Variants in DCLK3 observed in about 807,000 individuals in gnomAD.
DCLK3 encodes the protein doublecortin like kinase 3.
A neutral mutation model predicts 46.4 loss-of-function variants in DCLK3; 30 were observed. The ratio of observed to expected loss-of-function variants is 0.65; its 90% CI spans 0.48 to 0.88. The LOEUF (loss-of-function observed/expected upper bound fraction) is 0.88, where lower values mean the gene tolerates loss of function less well. Ranked by LOEUF, DCLK3 falls within the 40% of genes least tolerant of loss-of-function variation. The pLI is 0.00. For synonymous variants in DCLK3, 401 were observed against 339.2 expected, an observed-to-expected ratio of 1.18 and a Z score of -2.00; for missense variants, 846 against 907.1, an observed-to-expected ratio of 0.93 and a Z score of 0.87.
At chr3:36,719,202 C>T (rs917443807) in intron 3 of DCLK3, among the ~76,000 whole-genome samples, 5 of 152,106 alleles carry the variant, frequency 3.3e-5, no homozygotes, top group African/African-American at 4.8e-5. Context: ...AAGCAATATA[C>T]AGTAAAGGTT....
chr3:36,738,606 C>T lies in DCLK3; in HGVS notation c.561G>A (p.Leu187=), dbSNP rs770277717. 1.3e-5 allele frequency: 18 copies of T among 1,383,634 alleles called. No homozygotes were observed. Among genetic ancestry groups the T allele is most frequent in the Admixed American group, 1.2e-4 (4 of 34,352 alleles). 85.7% of individuals were successfully genotyped at this position (1,383,634 alleles called of 1,614,324 possible). The change falls in exon 2 of 5, where the codon CTG becomes CTA. Residue 187 remains leucine (L), a synonymous_variant. Coordinates refer to ENST00000636136, the MANE Select transcript of DCLK3 (RefSeq NM_001394672.2). ...LKSIQVAVEE[L]YPNKARALTL... ...TCAGGGCCCGGGCTTTGTTGGGGTA[C>T]AGTTCTTCTACAGCCACCTGAATGC...
chr3:36,737,072 C>A lies in DCLK3; in HGVS notation c.1959+136G>T. On this transcript the variant is annotated intron_variant, in intron 2 of 4. Coordinates refer to ENST00000636136, the MANE Select transcript of DCLK3 (RefSeq NM_001394672.2). The surrounding 1 kb of genome is among the most constrained non-coding windows in gnomAD (Gnocchi z 4.4). ...TGACCTATAACCATAGTTTTAAATA[C>A]TGGAACAAGTATGTTATAATAACAT... is the stretch of plus-strand genomic sequence containing the variant. 7.9e-7 allele frequency: 1 copy of A among 1,263,138 alleles called. No individual in the cohort carries two copies. Among genetic ancestry groups the A allele is most frequent in the Non-Finnish European group, 1.1e-6 (1 of 934,076 alleles). 78.2% of individuals were successfully genotyped at this position (1,263,138 alleles called of 1,614,324 possible).
At chr3:36,756,844 G>A (rs1701489676) in intron 1 of DCLK3, among the ~76,000 whole-genome samples, 1 of 151,812 alleles carries the variant, frequency 6.6e-6, no homozygotes, top group Non-Finnish European at 1.5e-5. Context: ...TGTGGTGTCT[G>A]GGGGTGACAG....
intron 1 of DCLK3, among the ~76,000 whole-genome samples, chr3:36,745,296 T>C (rs1481635987): frequency 6.6e-6 from 1 of 152,234 alleles, no homozygotes; most frequent in Admixed American, 6.5e-5. Flanking sequence ...AAGAAACCTA[T>C]GTCTGTGGTC....
At chr3:36,758,447 G>A (rs1701508535) in intron 1 of DCLK3, among the ~76,000 whole-genome samples, 1 of 152,112 alleles carries the variant, frequency 6.6e-6, no homozygotes, top group Admixed American at 6.6e-5. Context: ...AAGTCACGAG[G>A]GCTCTACCTT....
At chr3:36,749,251 C>CT (rs781532891) in intron 1 of DCLK3, among the ~76,000 whole-genome samples, 1 of 152,310 alleles carries the variant, frequency 6.6e-6, no homozygotes, top group East Asian at 1.9e-4. Flanking sequence ...CGGATGTGCT[C>CT]ATTTGGAAGG....
At chr3:36,720,554 G>A (rs533176400) in intron 3 of DCLK3, among the ~76,000 whole-genome samples, 1 of 143,484 alleles carries the variant, frequency 7.0e-6, no homozygotes, top group East Asian at 2.0e-4. Context: ...GCCCAGGCTG[G>A]AGTGCAATGG....
chr3:36,734,376 G>A (rs1341300221), intron 2 of DCLK3, among the ~76,000 whole-genome samples: 1 of 152,146 alleles, frequency 6.6e-6, no homozygotes, highest in Non-Finnish European at 1.5e-5. Context: ...TGCCAGACCT[G>A]TCCACTTTGA....
At chr3:36,726,690 C>T (rs566006967) in intron 2 of DCLK3, among the ~76,000 whole-genome samples, 1 of 152,256 alleles carries the variant, frequency 6.6e-6, no homozygotes, top group South Asian at 2.1e-4. Context: ...AATTGCTGAG[C>T]CCCAGTCACC....
intron 1 of DCLK3, among the ~76,000 whole-genome samples, chr3:36,760,267 G>C (rs1232219525): frequency 1.3e-5 from 2 of 152,224 alleles, no homozygotes. Flanking sequence ...CCAAGAGGGA[G>C]TAGCCTAGGG....
In DCLK3 at chr3:36,738,492, C is replaced by G; in HGVS notation, c.675G>C (p.Glu225Asp). The G allele has an allele frequency of 6.7e-7, 1 of 1,494,954 alleles. No homozygotes were observed. Among genetic ancestry groups the G allele is most frequent in the Non-Finnish European group, 8.9e-7 (1 of 1,123,280 alleles). The allele number at this position is 1,494,954 out of a possible 1,614,324, so 92.6% of individuals were successfully genotyped here. The change falls in exon 2 of 5, where the codon GAG becomes GAC. Residue 225 changes from glutamate (E) to aspartate (D), a missense_variant. Glu to Asp is a conservative substitution (Grantham distance 45, BLOSUM62 2). Coordinates refer to ENST00000636136, the MANE Select transcript of DCLK3 (RefSeq NM_001394672.2). ...KALKGDHRCG[E>D]TETPKSCSEV... ...CGCTGCAGCTCTTGGGGGTCTCGGT[C>G]TCCCCACAGCGGTGGTCTCCTTTCA...
At chr3:36,735,498 G>C (rs1249754816) in intron 2 of DCLK3, among the ~76,000 whole-genome samples, 1 of 152,188 alleles carries the variant, frequency 6.6e-6, no homozygotes, top group Non-Finnish European at 1.5e-5. Flanking sequence ...TGGATAATTA[G>C]CTTGACTCAC....
chr3:36,736,517 G>A (rs1172797706), intron 2 of DCLK3, among the ~76,000 whole-genome samples: 3 of 152,176 alleles, frequency 2.0e-5, no homozygotes, highest in Non-Finnish European at 4.4e-5. Flanking sequence ...GAATGGCATA[G>A]CTGAGATAAG....
intron 1 of DCLK3, among the ~76,000 whole-genome samples, chr3:36,744,197 C>T (rs1217903776): frequency 6.6e-6 from 1 of 152,216 alleles, no homozygotes; most frequent in East Asian, 1.9e-4. Flanking sequence ...ATTTGGAGAA[C>T]AAATTCCCAA....
At chr3:36,730,546 A>G (rs192911436) in intron 2 of DCLK3, among the ~76,000 whole-genome samples, 117 of 152,324 alleles carry the variant, frequency 7.7e-4, no homozygotes, top group Admixed American at 3.2e-3. Context: ...AGGCAGTGAT[A>G]AGCGTTATGA....
intron 2 of DCLK3, among the ~76,000 whole-genome samples, chr3:36,735,413 GT>G (rs2125529038): frequency 6.6e-6 from 1 of 152,328 alleles, no homozygotes; most frequent in South Asian, 2.1e-4. Flanking sequence ...AACTGCTTCT[GT>G]AATTCTATGA....
At position 36,737,241 on chromosome 3, in the gene DCLK3, A is replaced by G; in HGVS notation, c.1926T>C (p.Ile642=). ...TTTCCGGCTTGAGGTCCCGGTGGACAATGCTCTTGTCGTGCATGTGGACGA... is the reference window on the plus strand; with the variant it reads ...TTTCCGGCTTGAGGTCCCGGTGGACGATGCTCTTGTCGTGCATGTGGACGA... ...KALVHMHDKS[I]VHRDLKPENL... The change falls in exon 2 of 5, where the codon ATT becomes ATC. Residue 642 remains isoleucine (I), a synonymous_variant. Transcript: ENST00000636136. The surrounding 1 kb of genome is among the most constrained non-coding windows in gnomAD (Gnocchi z 4.4). The G allele has an allele frequency of 6.2e-7, 1 of 1,614,080 alleles. No homozygotes were observed. Among genetic ancestry groups the G allele is most frequent in the Non-Finnish European group, 8.5e-7 (1 of 1,179,928 alleles).
intron 3 of DCLK3, among the ~76,000 whole-genome samples, chr3:36,719,156 T>C (rs1369942486): frequency 1.3e-5 from 2 of 152,224 alleles, no homozygotes; most frequent in African/African-American, 4.8e-5. Flanking sequence ...TGTCTGATTA[T>C]ATTCCTAAAA....
At chr3:36,746,736 T>C (rs1701396762) in intron 1 of DCLK3, among the ~76,000 whole-genome samples, 1 of 152,254 alleles carries the variant, frequency 6.6e-6, no homozygotes, top group Non-Finnish European at 1.5e-5. Context: ...CGTGTCTCCT[T>C]AGAGGATCCT....
Sources: allele counts gnomAD v4.1 joint callset (sites outside exome capture counted in the v4.1 genomes callset), GRCh38; gene constraint gnomAD v4.1.1; non-coding constraint Gnocchi (gnomAD v3.1); transcripts MANE v1.5; gene names NCBI Gene and HGNC (gene_info 2026-07-23, HGNC 2026-07-21).